CYB5R4: variants seen among roughly 807,000 people sequenced by gnomAD.
CYB5R4 encodes the protein cytochrome b5 reductase 4.
In CYB5R4, 55 loss-of-function variants were observed where a neutral mutation model predicts 70.2. The ratio of observed to expected loss-of-function variants is 0.78; its 90% CI spans 0.63 to 0.98. The LOEUF (loss-of-function observed/expected upper bound fraction) is 0.98, where lower values mean the gene tolerates loss of function less well. Among genes scored for constraint, CYB5R4 ranks in the 50% least tolerant of loss-of-function variants. The probability of loss-of-function intolerance (pLI) is 0.00; values close to 1 mark genes in which losing one functional copy is unlikely to be tolerated. For missense variants in CYB5R4, 562 were observed against 612.6 expected (o/e 0.92, Z 0.87); for synonymous variants, 197 against 199.5 (o/e 0.99, Z 0.11).
At chr6:83,863,898 G>A (rs2099456355) in intron 1 of CYB5R4, among the ~76,000 whole-genome samples, 1 of 152,146 alleles carries the variant, frequency 6.6e-6, no homozygotes, top group South Asian at 2.1e-4. Flanking sequence ...AGACACTTGA[G>A]CATCCTGGAT....
At chr6:83,936,709 GT>G (rs2129142563) in intron 12 of CYB5R4, among the ~76,000 whole-genome samples, 2 of 152,212 alleles carry the variant, frequency 1.3e-5, no homozygotes, top group South Asian at 4.1e-4. Flanking sequence ...CTGTCTTACA[GT>G]AAGCCTTCAT....
intron 9 of CYB5R4, 38 bp from the exon 10 acceptor site, chr6:83,924,432 G>A (rs2099466952): frequency 6.2e-7 from 1 of 1,602,918 alleles, no homozygotes; most frequent in Non-Finnish European, 8.5e-7. Context: ...CTTGTATTTA[G>A]TATCGATGAA....
chr6:83,931,087 A>G (rs1457371776), intron 10 of CYB5R4, among the ~76,000 whole-genome samples: 1 of 152,212 alleles, frequency 6.6e-6, no homozygotes, highest in Non-Finnish European at 1.5e-5. Context: ...TTATCAGATC[A>G]TTCATATGCT....
At chr6:83,909,197 T>C in intron 4 of CYB5R4, 107 bp downstream of exon 4, 1 of 822,644 alleles carries the variant, frequency 1.2e-6, no homozygotes, top group Middle Eastern at 2.6e-4. Flanking sequence ...GGTTTTGTAA[T>C]TTTCATTGGC....
In CYB5R4 at chr6:83,925,016, T is replaced by C. The variant is rs530466826; in HGVS notation, c.814+424T>C. On this transcript the variant is annotated intron_variant, in intron 10 of 15. Transcript: ENST00000369681. ...AACTGGTTTCTCAGTTTACTTCTTG[T>C]ATTAGTCTCTTCTCACATGGCTATA... is the stretch of plus-strand genomic sequence containing the variant. Among the ~76,000 whole-genome samples, 4 of 152,328 alleles carry C rather than the reference T, an allele frequency of 2.6e-5. No individual in the cohort carries two copies. In the East Asian group the frequency reaches 5.8e-4, roughly 22 times the overall value.
intron 1 of CYB5R4, among the ~76,000 whole-genome samples, chr6:83,862,128 G>C (rs1186082): frequency 0.49 from 75,192 of 152,140 alleles, 23,071 homozygotes; most frequent in Non-Finnish European, 0.66. Context: ...CATTTTATAG[G>C]ATTGTTCATA....
At chr6:83,891,958 T>A (rs1266832484) in intron 2 of CYB5R4, among the ~76,000 whole-genome samples, 2 of 152,154 alleles carry the variant, frequency 1.3e-5, no homozygotes, top group Non-Finnish European at 2.9e-5. Context: ...CAGGACTTGA[T>A]TGTAGAGAAA....
intron 14 of CYB5R4, 108 bp downstream of exon 14, chr6:83,940,709 G>GC: frequency 1.6e-6 from 2 of 1,260,352 alleles, no homozygotes; most frequent in Non-Finnish European, 2.1e-6. Flanking sequence ...CTCCTTCAAA[G>GC]AAAAAAAATA....
intron 2 of CYB5R4, among the ~76,000 whole-genome samples, chr6:83,887,252 A>G (rs920838040): frequency 2.0e-5 from 3 of 152,148 alleles, no homozygotes; most frequent in Non-Finnish European, 4.4e-5. Context: ...TCTGTAAGAT[A>G]TTATAGAGAT....
chr6:83,956,614 A>C (rs2099472468), intron 15 of CYB5R4, among the ~76,000 whole-genome samples: 1 of 152,310 alleles, frequency 6.6e-6, no homozygotes, highest in East Asian at 1.9e-4. Flanking sequence ...TAACCTCTTC[A>C]GGATTGGACT....
intron 4 of CYB5R4, among the ~76,000 whole-genome samples, chr6:83,914,172 A>C (rs1004999828): frequency 1.3e-5 from 2 of 152,232 alleles, no homozygotes; most frequent in African/African-American, 4.8e-5. Context: ...CCAAAGAATT[A>C]GAAAAAATCC....
At chr6:83,899,571 T>A (rs1417059769) in intron 3 of CYB5R4, among the ~76,000 whole-genome samples, 1 of 152,206 alleles carries the variant, frequency 6.6e-6, no homozygotes, top group African/African-American at 2.4e-5. Context: ...TCTGGTAGAA[T>A]TCGGCTGTGA....
At chr6:83,886,072 G>T (rs2099460206) in intron 2 of CYB5R4, among the ~76,000 whole-genome samples, 3 of 152,202 alleles carry the variant, frequency 2.0e-5, no homozygotes, top group Admixed American at 2.0e-4. Flanking sequence ...TAGAGGCTGA[G>T]AAGTCCAAGG....
chr6:83,867,722 G>A (rs368743923), intron 2 of CYB5R4, among the ~76,000 whole-genome samples: 5 of 152,182 alleles, frequency 3.3e-5, no homozygotes, highest in African/African-American at 1.2e-4. Context: ...GGAGTAGGCC[G>A]AGGTGGCCTG....
At chr6:83,877,045 T>C (rs2099458671) in intron 2 of CYB5R4, among the ~76,000 whole-genome samples, 1 of 152,150 alleles carries the variant, frequency 6.6e-6, no homozygotes, top group Non-Finnish European at 1.5e-5. Flanking sequence ...TTAGCCAGGA[T>C]GGTTTCGATC....
At chr6:83,958,840 T>TA (rs2099472862) in intron 15 of CYB5R4, among the ~76,000 whole-genome samples, 1 of 152,190 alleles carries the variant, frequency 6.6e-6, no homozygotes, top group South Asian at 2.1e-4. Flanking sequence ...TAAAAATGAA[T>TA]AAATAATAAT....
At chr6:83,872,299 G>A (rs545375434) in intron 2 of CYB5R4, among the ~76,000 whole-genome samples, 11 of 152,234 alleles carry the variant, frequency 7.2e-5, no homozygotes, top group African/African-American at 2.4e-4. Flanking sequence ...TACCCTAGCA[G>A]GGTTATTGAT....
chr6:83,861,290 A>T (rs2099455890), intron 1 of CYB5R4, among the ~76,000 whole-genome samples: 1 of 152,214 alleles, frequency 6.6e-6, no homozygotes, highest in African/African-American at 2.4e-5. Flanking sequence ...TTCTAAGGAA[A>T]AGTCAGACTC....
intron 15 of CYB5R4, among the ~76,000 whole-genome samples, chr6:83,956,107 T>A (rs2099472389): frequency 6.6e-6 from 1 of 152,188 alleles, no homozygotes; most frequent in African/African-American, 2.4e-5. Context: ...GCCCTATTCT[T>A]ATTTAGTAGG....
Sources: gnomAD v4.1 joint callset for allele counts (sites outside exome capture counted in the v4.1 genomes callset) on GRCh38, gnomAD v4.1.1 for gene constraint, MANE v1.5 for transcripts, NCBI Gene and HGNC (gene_info 2026-07-23, HGNC 2026-07-21) for gene names.